The following DLG2 variants were observed in gnomAD, a reference collection of about 807,000 sequenced individuals.
DLG2 encodes the protein discs large MAGUK scaffold protein 2, also known as disks large homolog 2.
DLG2 carries 45 observed loss-of-function variants against 132.5 expected under a neutral mutation model. The observed-to-expected ratio is 0.34, with a 90% CI of 0.27 to 0.44. DLG2 has a LOEUF of 0.44. Ranked by LOEUF, DLG2 falls within the 20% of genes least tolerant of loss-of-function variation. DLG2 has a pLI of 1.00. For synonymous variants in DLG2, 424 were observed against 419.6 expected, an observed-to-expected ratio of 1.01 and a Z score of -0.13; for missense variants, 1,045 against 1,196.9, an observed-to-expected ratio of 0.87 and a Z score of 1.87.
intron 6 of DLG2, among the ~76,000 whole-genome samples, chr11:84,922,343 C>T (rs938121413): frequency 2.6e-5 from 4 of 152,136 alleles, no homozygotes; most frequent in African/African-American, 9.7e-5. Flanking sequence ...AATTCCACAG[C>T]TGGTCTGGCC....
At chr11:85,379,712 G>C (rs1020641278) in intron 3 of DLG2, among the ~76,000 whole-genome samples, 1 of 152,110 alleles carries the variant, frequency 6.6e-6, no homozygotes, top group Non-Finnish European at 1.5e-5. Flanking sequence ...CAAAAGCCTA[G>C]AGCCAGTGGA....
chr11:83,978,438 G>T (rs2154172362), intron 12 of DLG2, among the ~76,000 whole-genome samples: 1 of 152,102 alleles, frequency 6.6e-6, no homozygotes, highest in Non-Finnish European at 1.5e-5. Flanking sequence ...CTATTCCCAA[G>T]ACAACATTTC....
intron 7 of DLG2, among the ~76,000 whole-genome samples, chr11:84,453,602 T>C (rs1436975218): frequency 6.6e-6 from 1 of 151,688 alleles, no homozygotes; most frequent in Non-Finnish European, 1.5e-5. Flanking sequence ...AAATCTAACA[T>C]TTATCAAGTT....
intron 15 of DLG2, among the ~76,000 whole-genome samples, chr11:83,893,995 C>G (rs915435906): frequency 1.3e-5 from 2 of 152,156 alleles, no homozygotes; most frequent in Non-Finnish European, 2.9e-5. Flanking sequence ...AATCCTTTCT[C>G]CCACCTCCAA....
At chr11:84,859,919 T>C (rs2083388519) in intron 6 of DLG2, among the ~76,000 whole-genome samples, 1 of 152,148 alleles carries the variant, frequency 6.6e-6, no homozygotes, top group African/African-American at 2.4e-5. Flanking sequence ...AGTCACCTCC[T>C]CTACGCAGCC....
At chr11:84,371,037 C>T (rs1420563510) in intron 7 of DLG2, among the ~76,000 whole-genome samples, 1 of 152,028 alleles carries the variant, frequency 6.6e-6, no homozygotes, top group Admixed American at 6.6e-5. Context: ...CTACTTATGT[C>T]CAAAGGACCA....
chr11:85,142,570 A>T (rs866154810), intron 5 of DLG2, among the ~76,000 whole-genome samples: 3 of 151,690 alleles, frequency 2.0e-5, no homozygotes, highest in South Asian at 2.1e-4. Flanking sequence ...CTCTCATTTA[A>T]TTACTCTAGC....
chr11:84,438,361 G>C (rs1284436452), intron 7 of DLG2, among the ~76,000 whole-genome samples: 1 of 152,118 alleles, frequency 6.6e-6, no homozygotes. Flanking sequence ...ACCTGTAAAA[G>C]AACTGAGGCC....
At chr11:85,254,748 C>T (rs1212509468) in intron 4 of DLG2, among the ~76,000 whole-genome samples, 1 of 152,120 alleles carries the variant, frequency 6.6e-6, no homozygotes, top group Non-Finnish European at 1.5e-5. Context: ...CGCCTGTAAT[C>T]CCAGCACTCT....
chr11:85,175,591 T>C (rs1168113976), intron 4 of DLG2, among the ~76,000 whole-genome samples: 2 of 152,118 alleles, frequency 1.3e-5, no homozygotes, highest in African/African-American at 4.8e-5. Context: ...CTATTCAATG[T>C]AATATTAGAA....
intron 7 of DLG2, among the ~76,000 whole-genome samples, chr11:84,284,682 T>C (rs2097890180): frequency 6.6e-6 from 1 of 152,202 alleles, no homozygotes; most frequent in African/African-American, 2.4e-5. Flanking sequence ...AGATGAAGTG[T>C]GTCTTCACCA....
At chr11:85,290,098 G>A (rs960350009) in intron 3 of DLG2, among the ~76,000 whole-genome samples, 1 of 152,024 alleles carries the variant, frequency 6.6e-6, no homozygotes, top group South Asian at 2.1e-4. Flanking sequence ...TCATTTACTT[G>A]TATTCCCTCT....
intron 6 of DLG2, among the ~76,000 whole-genome samples, chr11:84,988,111 T>G (rs1427459495): frequency 3.9e-5 from 6 of 151,958 alleles, no homozygotes; most frequent in Non-Finnish European, 5.9e-5. Context: ...CAAAAGAAGA[T>G]ATAAAAATGG....
intron 7 of DLG2, among the ~76,000 whole-genome samples, chr11:84,332,114 C>T (rs906152579): frequency 3.3e-5 from 5 of 152,068 alleles, no homozygotes; most frequent in Admixed American, 2.0e-4. Flanking sequence ...AACAATCATC[C>T]GTTAGTAAAG....
chr11:85,463,869 A>C (rs1289652476), intron 3 of DLG2, among the ~76,000 whole-genome samples: 1 of 152,004 alleles, frequency 6.6e-6, no homozygotes, highest in Non-Finnish European at 1.5e-5. Context: ...GAGCATTTAG[A>C]ATTATATCAA....
chr11:83,876,053 C>T (rs1399326419), intron 15 of DLG2, among the ~76,000 whole-genome samples: 3 of 152,142 alleles, frequency 2.0e-5, no homozygotes, highest in East Asian at 3.8e-4. Flanking sequence ...TCGTAGTATT[C>T]AGGACTTGGA....
At chr11:83,560,000 G>T (rs2096583884) in intron 19 of DLG2, among the ~76,000 whole-genome samples, 1 of 151,964 alleles carries the variant, frequency 6.6e-6, no homozygotes, top group Non-Finnish European at 1.5e-5. Context: ...TGCTATTTTG[G>T]TATTTCTGGG....
At chr11:84,480,153 G>T (rs193136265) in intron 7 of DLG2, among the ~76,000 whole-genome samples, 1 of 152,108 alleles carries the variant, frequency 6.6e-6, no homozygotes, top group Non-Finnish European at 1.5e-5. Context: ...TTAGCAACCT[G>T]AAAACAATAT....
At chr11:85,044,059 G>A (rs1039553386) in intron 6 of DLG2, among the ~76,000 whole-genome samples, 4 of 151,974 alleles carry the variant, frequency 2.6e-5, no homozygotes, top group African/African-American at 9.7e-5. Context: ...AATGGCCCCT[G>A]ATCTTTCTCT....
Sources: gnomAD v4.1 joint callset for allele counts (sites outside exome capture counted in the v4.1 genomes callset) on GRCh38, gnomAD v4.1.1 for gene constraint, MANE v1.5 for transcripts, NCBI Gene and HGNC (gene_info 2026-07-23, HGNC 2026-07-21) for gene names.